The following POLR3E variants were observed in gnomAD, a reference collection of about 807,000 sequenced individuals.
POLR3E encodes the protein DNA-directed RNA polymerase III subunit RPC5.
POLR3E carries 41 observed loss-of-function variants against 96.6 expected under a neutral mutation model. The observed-to-expected ratio is 0.42, with a 90% confidence interval of 0.33 to 0.55. The LOEUF is 0.55. POLR3E is among the 20% of genes least tolerant of loss of function. The pLI, the probability that POLR3E is intolerant of heterozygous loss-of-function variation, is 0.06. For missense variants in POLR3E, 849 were observed against 952.1 expected, an observed-to-expected ratio of 0.89 and a Z score of 1.43; for synonymous variants, 396 against 383.6, an observed-to-expected ratio of 1.03 and a Z score of -0.38.
rs189370929 is a variant in POLR3E at position 22,334,732 on chromosome 16, A to T, written c.*1032A>T. The T allele has an allele frequency of 2.0e-5, 3 of 152,384 alleles. No individual in the cohort carries two copies. Among genetic ancestry groups the T allele is most frequent in the East Asian group, 3.9e-4 (2 of 5,190 alleles). 9.4% of individuals were successfully genotyped at this position (152,384 alleles called of 1,614,324 possible). ...ACACTCAGTTTGGACTAGCCACATC[A>T]TAAGTGCTCCGATGCCACATGGGGC... On this transcript the variant is annotated 3_prime_UTR_variant, in exon 21 of 21. Coordinates refer to ENST00000299853, the MANE Select transcript of POLR3E (RefSeq NM_018119.4).
intron 1 of POLR3E, among the ~76,000 whole-genome samples, chr16:22,297,876 G>C (rs2047928484): frequency 6.6e-6 from 1 of 152,234 alleles, no homozygotes; most frequent in African/African-American, 2.4e-5. Flanking sequence ...GCTCGCGGCA[G>C]GGACTGCGTG....
intron 3 of POLR3E, among the ~76,000 whole-genome samples, chr16:22,307,044 G>A (rs2048147836): frequency 6.6e-6 from 1 of 152,196 alleles, no homozygotes; most frequent in African/African-American, 2.4e-5. Flanking sequence ...AGTGATGGTG[G>A]AGGTGCCAGT....
At position 22,318,760 on chromosome 16, in the gene POLR3E, C is replaced by T; in HGVS notation, c.866-66C>T. The T allele has an allele frequency of 6.4e-7, 1 of 1,558,700 alleles. No individual in the cohort carries two copies. The highest frequency in any genetic ancestry group is 8.7e-7 in the Non-Finnish European group (1 of 1,144,880). On this transcript the variant is annotated intron_variant, in intron 12 of 20. Coordinates refer to ENST00000299853, the MANE Select transcript of POLR3E (RefSeq NM_018119.4). This position sits in a 1 kb window ranked among gnomAD's most constrained non-coding sequence, Gnocchi z 5.0. ...ACATGAACTTGAAGCTATGCGGACT[C>T]TCGGTGGAGGGGAGGGAAGGGCCCG...
Position 22,313,416 on chromosome 16 carries a change from CTG to C in POLR3E, c.365-199_365-198del. On this transcript the variant is annotated intron_variant, in intron 6 of 20. Transcript: ENST00000299853. The surrounding 1 kb of genome is among the most constrained non-coding windows in gnomAD (Gnocchi z 4.1). ...GTCCAGGTTCCTGTCCTAGTCTGGG[CTG>C]TGTGCTTGCTGTGTCCAGCAGGCCA... Among the ~76,000 whole-genome samples, 1 of 152,224 alleles carries C rather than the reference CTG, an allele frequency of 6.6e-6. No homozygotes were observed. Among genetic ancestry groups the C allele is most frequent in the African/African-American group, 2.4e-5 (1 of 41,522 alleles).
Position 22,318,961 on chromosome 16 carries a change from T to A in POLR3E, c.986+15T>A. 1.3e-6 allele frequency: 2 copies of A among 1,556,870 alleles called. No homozygotes were observed. Among genetic ancestry groups the A allele is most frequent in the Admixed American group, 3.9e-5 (2 of 51,318 alleles). On this transcript the variant is annotated intron_variant, in intron 13 of 20. Coordinates refer to ENST00000299853, the MANE Select transcript of POLR3E (RefSeq NM_018119.4). This position sits in a 1 kb window ranked among gnomAD's most constrained non-coding sequence, Gnocchi z 5.0. Reference sequence around the variant, plus strand: ...GTGGTGAAGAGGTAAGTTGCTTTTTTTATTTTTTATTTTTATTTATTTTTT... The same window carrying A: ...GTGGTGAAGAGGTAAGTTGCTTTTTATATTTTTTATTTTTATTTATTTTTT...
At chr16:22,299,766 G>A (rs1435734462) in intron 1 of POLR3E, among the ~76,000 whole-genome samples, 4 of 151,966 alleles carry the variant, frequency 2.6e-5, no homozygotes, top group Non-Finnish European at 4.4e-5. Flanking sequence ...AGGATGGAGC[G>A]CAGTGGTGTG....
intron 1 of POLR3E, among the ~76,000 whole-genome samples, chr16:22,302,317 T>C (rs973458474): frequency 1.3e-5 from 2 of 152,196 alleles, no homozygotes; most frequent in Non-Finnish European, 2.9e-5. Flanking sequence ...ATGCACACAG[T>C]ATCTCTGAGT....
intron 19 of POLR3E, among the ~76,000 whole-genome samples, chr16:22,330,510 G>A (rs1367219558): frequency 2.0e-5 from 3 of 152,150 alleles, no homozygotes; most frequent in African/African-American, 7.2e-5. Flanking sequence ...ACTGCTTCCT[G>A]TTTTCACTTG....
At chr16:22,311,210 C>A (rs1444115870) in intron 6 of POLR3E, among the ~76,000 whole-genome samples, 2 of 151,544 alleles carry the variant, frequency 1.3e-5, no homozygotes, top group Admixed American at 1.3e-4. Flanking sequence ...CTCAGGTGAT[C>A]CACCAGCCTT....
chr16:22,303,811 T>C (rs1375858675), intron 2 of POLR3E, among the ~76,000 whole-genome samples: 1 of 144,454 alleles, frequency 6.9e-6, no homozygotes, highest in Middle Eastern at 3.2e-3. Flanking sequence ...CGACTAATTT[T>C]TTTTTTTTTT....
chr16:22,328,277 CCT>C (rs1202465788), intron 18 of POLR3E: 2 of 545,940 alleles, frequency 3.7e-6, no homozygotes. Flanking sequence ...TCACACTCCC[CCT>C]CTCGCTGAAG....
chr16:22,314,768 C>A, intron 8 of POLR3E: 1 of 214,800 alleles, frequency 4.7e-6, no homozygotes, highest in Non-Finnish European at 9.4e-6. Flanking sequence ...TTAGAAACTC[C>A]CTTCCGCTCT....
chr16:22,315,500 C>T (rs988347642), intron 9 of POLR3E, among the ~76,000 whole-genome samples: 4 of 152,100 alleles, frequency 2.6e-5, no homozygotes, highest in African/African-American at 7.2e-5. Flanking sequence ...AACATATTTT[C>T]GCTGCAGCCC....
rs1312181535 is a variant in POLR3E at position 22,325,745 on chromosome 16, G to T, written c.1349-16G>T. The T allele has an allele frequency of 6.5e-7, 1 of 1,542,780 alleles. No homozygotes were observed. The highest frequency in any genetic ancestry group is 8.7e-7 in the Non-Finnish European group (1 of 1,147,728). On this transcript the variant is annotated splice_polypyrimidine_tract_variant and intron_variant, in intron 17 of 20. Coordinates refer to ENST00000299853, the MANE Select transcript of POLR3E (RefSeq NM_018119.4). ...TCCCTGTGCCCTCCTGAGCAGTGCT[G>T]CCTCCCTCCCCGCAGGGCCTGCCGG...
At chr16:22,309,366 T>G (rs2048197945) in intron 5 of POLR3E, 62 bp from the exon 6 acceptor site, 1 of 1,240,658 alleles carries the variant, frequency 8.1e-7, no homozygotes, top group Non-Finnish European at 1.2e-6. Flanking sequence ...GGGTGCGCTG[T>G]GGCCACAGGC....
At position 22,302,858 on chromosome 16, in the gene POLR3E, C is replaced by T. The variant is rs2048054649; in HGVS notation, c.-38-73C>T. The T allele has an allele frequency of 4.0e-6, 4 of 994,662 alleles. No individual in the cohort carries two copies. The Admixed American group carries it at 5.1e-5, about 13-fold the overall frequency. The allele number at this position is 994,662 out of a possible 1,614,324, so 61.6% of individuals were successfully genotyped here. A position where few individuals can be genotyped will look rare whatever the true frequency, so the allele number is the denominator to read the frequency against. On this transcript the variant is annotated intron_variant, in intron 1 of 20. Transcript: ENST00000299853. ...GTGGGCTCCCCCTCCCAGTGCAGGG[C>T]CTGTTGCAGAATAGGCACAAGGAAA...
chr16:22,308,130 C>A lies in POLR3E; in HGVS notation c.88-18C>A, dbSNP rs760786542. On this transcript the variant is annotated intron_variant, in intron 3 of 20. Coordinates refer to ENST00000299853, the MANE Select transcript of POLR3E (RefSeq NM_018119.4). ...TGGCTGGGCAGAGTGGACTTAATGGCTCCCTTCCCCTCCCCAGTACCCTGT... is the reference window on the plus strand; with the variant it reads ...TGGCTGGGCAGAGTGGACTTAATGGATCCCTTCCCCTCCCCAGTACCCTGT... 1.2e-6 allele frequency: 2 copies of A among 1,600,988 alleles called. No homozygotes were observed. The highest frequency in any genetic ancestry group is 2.7e-5 in the African/African-American group (2 of 74,630).
chr16:22,314,275 ACCTGAGTTGTTC>A, intron 8 of POLR3E, 147 bp downstream of exon 8: 1 of 668,132 alleles, frequency 1.5e-6, no homozygotes, highest in Middle Eastern at 3.9e-4. Flanking sequence ...GGAGGGAACA[ACCTGAGTTGTTC>A]CAGCTATACA....
intron 1 of POLR3E, among the ~76,000 whole-genome samples, chr16:22,298,632 A>T (rs1018420751): frequency 1.3e-5 from 2 of 152,148 alleles, no homozygotes; most frequent in Non-Finnish European, 2.9e-5. Context: ...TTTATCAGAA[A>T]ACCGTGCAGT....
Sources: allele counts gnomAD v4.1 joint callset (sites outside exome capture counted in the v4.1 genomes callset), GRCh38; gene constraint gnomAD v4.1.1; non-coding constraint Gnocchi (gnomAD v3.1); transcripts MANE v1.5; gene names NCBI Gene and HGNC (gene_info 2026-07-23, HGNC 2026-07-21).